Variants in UBAP2 observed in about 807,000 individuals in gnomAD.
The protein encoded by UBAP2 is ubiquitin associated protein 2, also known as ubiquitin-associated protein 2.
Under a neutral mutation model 139.6 loss-of-function variants are expected in UBAP2, and 75 were observed. The observed-to-expected ratio is 0.54, with a 90% CI of 0.45 to 0.65. UBAP2 has a LOEUF of 0.65. Among genes scored for constraint, UBAP2 ranks in the 30% least tolerant of loss-of-function variants. UBAP2 has a pLI of 0.00. For missense variants in UBAP2, 1,368 were observed against 1,369.6 expected (o/e 1.00, Z 0.02); for synonymous variants, 526 against 526.2 (o/e 1.00, Z 0.01).
intron 11 of UBAP2, among the ~76,000 whole-genome samples, chr9:33,955,217 T>C (rs1473419469): frequency 2.1e-5 from 3 of 145,722 alleles, no homozygotes; most frequent in Non-Finnish European, 4.5e-5. Context: ...AAAGTGAAAA[T>C]AGCAACCATT....
intron 2 of UBAP2, among the ~76,000 whole-genome samples, chr9:34,014,490 G>T (rs1274953092): frequency 6.6e-6 from 1 of 151,782 alleles, no homozygotes; most frequent in Non-Finnish European, 1.5e-5. Flanking sequence ...TTAACTGGAG[G>T]TGGAGGCAGG....
chr9:33,961,254 T>C lies in UBAP2; in HGVS notation c.746-376A>G, dbSNP rs531033513. Among the ~76,000 whole-genome samples, 5 of 152,338 alleles carry C rather than the reference T, an allele frequency of 3.3e-5. No individual in the cohort carries two copies. In the East Asian group the frequency reaches 5.8e-4, roughly 18 times the overall value. On this transcript the variant is annotated intron_variant, in intron 9 of 28. Transcript: ENST00000379238. ...TTAACAATGGTTTGATTTCTTCCGA[T>C]ATAGTCTTCAAAACAACAAATTTCA...
At chr9:33,954,269 T>TACATACACACACAC (rs1554682976) in intron 11 of UBAP2, among the ~76,000 whole-genome samples, 11 of 139,810 alleles carry the variant, frequency 7.9e-5, no homozygotes, top group Admixed American at 3.6e-4. Flanking sequence ...TGTGTGTATA[T>TACATACACACACAC]ACACACACAC....
intron 4 of UBAP2, among the ~76,000 whole-genome samples, chr9:33,992,651 C>G (rs572574543): frequency 2.4e-5 from 1 of 41,088 alleles, no homozygotes. Flanking sequence ...GACAACTTAT[C>G]GGGCGGAGGG....
chr9:33,926,424 G>T (rs1198057341), intron 22 of UBAP2, among the ~76,000 whole-genome samples, 193 bp downstream of exon 22: 2 of 152,168 alleles, frequency 1.3e-5, no homozygotes, highest in African/African-American at 4.8e-5. Context: ...ATGAGCACTG[G>T]ATACTCTGTG....
chr9:33,933,957 C>T (rs900963630), intron 17 of UBAP2: 1 of 223,774 alleles, frequency 4.5e-6, no homozygotes, highest in Admixed American at 4.7e-5. Flanking sequence ...GAAAGAAAAA[C>T]AGGTGCTGAG....
chr9:33,948,663 T>C (rs1825847402), intron 12 of UBAP2, 76 bp from the exon 13 acceptor site: 7 of 1,205,882 alleles, frequency 5.8e-6, no homozygotes, highest in Non-Finnish European at 8.3e-6. Flanking sequence ...ATATCAAGTA[T>C]TTTCACAAGT....
intron 5 of UBAP2, among the ~76,000 whole-genome samples, chr9:33,987,764 G>A (rs1374168958): frequency 2.0e-5 from 3 of 152,146 alleles, no homozygotes. Flanking sequence ...ATGCAACTAC[G>A]TTAATGTATC....
chr9:33,957,088 CAA>C (rs1186605992), intron 10 of UBAP2, among the ~76,000 whole-genome samples: 12 of 121,814 alleles, frequency 9.9e-5, no homozygotes, highest in Non-Finnish European at 8.8e-5. Flanking sequence ...GATCCTGCCT[CAA>C]AAAAAAAAAA....
At chr9:34,010,441 A>AG (rs1823656677) in intron 2 of UBAP2, among the ~76,000 whole-genome samples, 2 of 151,542 alleles carry the variant, frequency 1.3e-5, no homozygotes, top group Non-Finnish European at 2.9e-5. Context: ...AAAAAAAAAA[A>AG]AAAAAAAAGA....
chr9:33,952,358 AAC>A (rs1564027767), intron 12 of UBAP2, among the ~76,000 whole-genome samples: 1 of 152,196 alleles, frequency 6.6e-6, no homozygotes, highest in East Asian at 1.9e-4. Flanking sequence ...AGCCTTCACT[AAC>A]AGTTTCTGAA....
rs749262699 is a variant in UBAP2, at chr9:33,971,744, G to T, written c.586C>A (p.Pro196Thr). ...GATGTAGAATCTGAATAGTCTGCAG[G>T]ATTAAATGTCCTGGGGTTTGAAATA... is the stretch of plus-strand genomic sequence containing the variant. ...FSTQGMGTFNPADYSDSTSTD... is the reference protein window; with the variant it reads ...FSTQGMGTFNTADYSDSTSTD... Residue 196 changes from proline to threonine, a missense_variant, in exon 8 of 29, where the codon CCT becomes ACT. Physicochemically the swap from Pro to Thr is conservative, Grantham distance 38 (BLOSUM62 -1). Coordinates refer to ENST00000379238, the MANE Select transcript of UBAP2 (RefSeq NM_001370062.2). 66 of 1,595,110 alleles carry T rather than the reference G, an allele frequency of 4.1e-5. No individual in the cohort carries two copies. The highest frequency in any genetic ancestry group is 1.4e-5 in the Non-Finnish European group (16 of 1,162,882).
At chr9:34,041,244 G>A (rs1008314275) in intron 1 of UBAP2, among the ~76,000 whole-genome samples, 16 of 151,204 alleles carry the variant, frequency 1.1e-4, no homozygotes, top group Non-Finnish European at 4.4e-5. Context: ...CTGGAGGTCA[G>A]GAGTTCGAGA....
At chr9:33,961,455 A>T (rs1314859170) in intron 9 of UBAP2, among the ~76,000 whole-genome samples, 2 of 152,206 alleles carry the variant, frequency 1.3e-5, no homozygotes, top group Non-Finnish European at 2.9e-5. Flanking sequence ...TTCTGGAGTC[A>T]GTACACAGGA....
At position 33,923,454 on chromosome 9, in the gene UBAP2, G is replaced by A. The variant is rs1823116488; in HGVS notation, c.2821C>T (p.His941Tyr). 6.2e-7 allele frequency: 1 copy of A among 1,614,036 alleles called. No homozygotes were observed. Among genetic ancestry groups the A allele is most frequent in the Non-Finnish European group, 8.5e-7 (1 of 1,180,024 alleles). The change falls in exon 25 of 29, where the codon CAT becomes TAT. Residue 941 changes from histidine (H) to tyrosine (Y), a missense_variant. Transcript: ENST00000379238. ...GTGGGAGTGCTGAGGTTCACCCCAT[G>A]TTGCTTGGCTGAGGCTGGAGGGACC... Reference protein sequence around the residue: ...MFVPPASAKQHGVNLSTPTPP... With the variant: ...MFVPPASAKQYGVNLSTPTPP...
intron 11 of UBAP2, among the ~76,000 whole-genome samples, chr9:33,954,370 C>A (rs932371476): frequency 1.3e-5 from 2 of 149,766 alleles, no homozygotes; most frequent in African/African-American, 4.9e-5. Flanking sequence ...ATACTGTTAA[C>A]CAGAACTCTT....
chr9:33,934,480 A>G (rs896223095), intron 17 of UBAP2: 2 of 155,724 alleles, frequency 1.3e-5, no homozygotes, highest in African/African-American at 4.8e-5. Flanking sequence ...GAAAGGGTCA[A>G]CTTACACCTA....
intron 1 of UBAP2, among the ~76,000 whole-genome samples, chr9:34,019,081 G>A (rs1824662992): frequency 6.6e-6 from 1 of 151,980 alleles, no homozygotes; most frequent in African/African-American, 2.4e-5. Flanking sequence ...AAGACATTAT[G>A]CTAAGTGAAA....
intron 1 of UBAP2, among the ~76,000 whole-genome samples, chr9:34,025,741 C>T (rs1048301838): frequency 1.3e-5 from 2 of 152,072 alleles, no homozygotes; most frequent in African/African-American, 4.8e-5. Context: ...GTTTTGTTTC[C>T]GTTTTTGTTT....
Sources: gnomAD v4.1 joint callset for allele counts (sites outside exome capture counted in the v4.1 genomes callset) on GRCh38, gnomAD v4.1.1 for gene constraint, MANE v1.5 for transcripts, NCBI Gene and HGNC (gene_info 2026-07-23, HGNC 2026-07-21) for gene names.